The following OTOGL variants were observed in gnomAD, a reference collection of about 807,000 sequenced individuals.
OTOGL encodes otogelin like, also known as otogelin-like protein.
Under a neutral mutation model 318.5 loss-of-function variants are expected in OTOGL, and 285 were observed. The ratio of observed to expected loss-of-function variants is 0.89; its 90% CI spans 0.81 to 0.99. The LOEUF (loss-of-function observed/expected upper bound fraction) is 0.99. Ranked by LOEUF, OTOGL falls within the 50% of genes least tolerant of loss-of-function variation. OTOGL has a pLI of 0.00. For missense variants in OTOGL, 2,899 were observed against 2,845.6 expected (o/e 1.02, Z -0.43); for synonymous variants, 987 against 936.5 (o/e 1.05, Z -0.99).
At chr12:80,370,163 A>G (rs1890787793) in intron 55 of OTOGL, among the ~76,000 whole-genome samples, 1 of 152,010 alleles carries the variant, frequency 6.6e-6, no homozygotes, top group Non-Finnish European at 1.5e-5. Flanking sequence ...GGAGGTATAT[A>G]AGTAATATGA....
At chr12:80,259,359 A>T (rs1353490686) in intron 18 of OTOGL, among the ~76,000 whole-genome samples, 1 of 151,488 alleles carries the variant, frequency 6.6e-6, no homozygotes, top group East Asian at 1.9e-4. Context: ...ATTTTATTTA[A>T]TTTATTATTA....
At chr12:80,282,733 A>G (rs1027058942) in intron 26 of OTOGL, among the ~76,000 whole-genome samples, 1 of 151,974 alleles carries the variant, frequency 6.6e-6, no homozygotes, top group Non-Finnish European at 1.5e-5. Flanking sequence ...ATTTGAACAC[A>G]TAAACAAATA....
At chr12:80,188,284 A>G (rs1875434098) in intron 1 of OTOGL, among the ~76,000 whole-genome samples, 2 of 152,116 alleles carry the variant, frequency 1.3e-5, no homozygotes, top group Admixed American at 1.3e-4. Flanking sequence ...TCATGCCTGT[A>G]ATCCCAGCAC....
Position 80,287,262 on chromosome 12 carries a change from CTGTT to C in OTOGL, c.2928+8101_2928+8104del, listed in dbSNP as rs529996051. 5.6e-3 allele frequency among the ~76,000 whole-genome samples: 850 copies of C among 151,754 alleles called. 7 individuals carry two copies. The highest frequency in any genetic ancestry group is 0.011 in the Non-Finnish European group (715 of 68,008). Reference sequence around the variant, plus strand: ...TTTGATTGCAGTGTGGTCTGAGAGACTGTTTGTTATGAATTCCATTCTTTTGCAT... The same window carrying C: ...TTTGATTGCAGTGTGGTCTGAGAGACTGTTATGAATTCCATTCTTTTGCAT... On this transcript the variant is annotated intron_variant, in intron 26 of 58. Transcript: ENST00000547103.
intron 26 of OTOGL, 42 bp downstream of exon 26, chr12:80,279,208 ATTT>A: frequency 6.5e-7 from 1 of 1,532,842 alleles, no homozygotes. Flanking sequence ...TCGTGTAAAG[ATTT>A]AATGTAAAAA....
intron 55 of OTOGL, among the ~76,000 whole-genome samples, chr12:80,369,564 G>T (rs1374677825): frequency 6.6e-6 from 1 of 152,038 alleles, no homozygotes; most frequent in Non-Finnish European, 1.5e-5. Flanking sequence ...GAATAGAGTG[G>T]CAATAAAAAG....
chr12:80,165,142 A>G (rs559234091), intron 1 of OTOGL, among the ~76,000 whole-genome samples: 1 of 152,280 alleles, frequency 6.6e-6, no homozygotes, highest in East Asian at 1.9e-4. Context: ...GGGTCTTGAA[A>G]AAATTTGCAA....
At chr12:80,271,487 C>T (rs1364389695) in intron 23 of OTOGL, among the ~76,000 whole-genome samples, 161 bp from the exon 24 acceptor site, 12 of 151,914 alleles carry the variant, frequency 7.9e-5, no homozygotes. Context: ...TTTTTGACTT[C>T]AGAAAATTAT....
intron 9 of OTOGL, 150 bp from the exon 10 acceptor site, chr12:80,238,701 G>A (rs756485726): frequency 7.6e-6 from 8 of 1,056,246 alleles, no homozygotes; most frequent in Non-Finnish European, 9.8e-6. Context: ...ATAAAGTAAT[G>A]TTATTATCTA....
At chr12:80,299,570 CTATT>C (rs35976437) in intron 27 of OTOGL, among the ~76,000 whole-genome samples, 80,845 of 147,842 alleles carry the variant, frequency 0.55, 24,612 homozygotes, top group East Asian at 0.88. Context: ...AAAATAAGCA[CTATT>C]TATTTTATGG....
chr12:80,191,908 A>T (rs959962894), intron 1 of OTOGL, among the ~76,000 whole-genome samples: 1 of 152,160 alleles, frequency 6.6e-6, no homozygotes, highest in Non-Finnish European at 1.5e-5. Context: ...TATTTTATTG[A>T]AATATCACTT....
chr12:80,217,311 A>T (rs997063594), intron 4 of OTOGL, among the ~76,000 whole-genome samples: 6 of 151,870 alleles, frequency 4.0e-5, no homozygotes, highest in African/African-American at 1.5e-4. Context: ...TGGGAAGGGG[A>T]GGGAGGATGG....
intron 28 of OTOGL, among the ~76,000 whole-genome samples, chr12:80,303,591 A>G (rs1335183839): frequency 1.3e-5 from 2 of 152,222 alleles, no homozygotes; most frequent in Non-Finnish European, 2.9e-5. Flanking sequence ...TAAAGAAAAG[A>G]GGTTTAATTG....
chr12:80,189,322 C>T (rs1246319118), intron 1 of OTOGL: 1 of 567,694 alleles, frequency 1.8e-6, no homozygotes, highest in Non-Finnish European at 2.2e-6. Context: ...TTGTCTTTAA[C>T]TTAATGTTTA....
intron 1 of OTOGL, among the ~76,000 whole-genome samples, chr12:80,172,259 G>A (rs1874250513): frequency 6.6e-6 from 1 of 151,194 alleles, no homozygotes; most frequent in Middle Eastern, 3.4e-3. Flanking sequence ...TCTTTGTGAA[G>A]GTTTCCTAGA....
At chr12:80,342,547 C>A (rs1888849184) in intron 44 of OTOGL, among the ~76,000 whole-genome samples, 1 of 152,192 alleles carries the variant, frequency 6.6e-6, no homozygotes, top group Admixed American at 6.5e-5. Context: ...TAGAATCTGT[C>A]ACTTACTCAA....
intron 11 of OTOGL, among the ~76,000 whole-genome samples, chr12:80,250,006 C>T (rs1014971490): frequency 2.0e-5 from 3 of 152,048 alleles, no homozygotes; most frequent in Admixed American, 2.0e-4. Context: ...TGAGGCAATG[C>T]CTCGCCCTGC....
intron 44 of OTOGL, among the ~76,000 whole-genome samples, chr12:80,348,914 T>A (rs1889370402): frequency 6.6e-6 from 1 of 152,154 alleles, no homozygotes. Context: ...AGGCTTTGTT[T>A]TTGTAGTTGT....
At chr12:80,268,138 C>A (rs1883138946) in intron 22 of OTOGL, among the ~76,000 whole-genome samples, 1 of 152,128 alleles carries the variant, frequency 6.6e-6, no homozygotes, top group Non-Finnish European at 1.5e-5. Flanking sequence ...ATGCAGCAGT[C>A]CATACTTACA....
Sources: gnomAD v4.1 joint callset for allele counts (sites outside exome capture counted in the v4.1 genomes callset) on GRCh38, gnomAD v4.1.1 for gene constraint, MANE v1.5 for transcripts, NCBI Gene and HGNC (gene_info 2026-07-23, HGNC 2026-07-21) for gene names.